Variants in SLC1A1 observed in about 807,000 individuals in gnomAD.
SLC1A1 encodes the protein excitatory amino acid transporter 3.
A neutral mutation model predicts 53.3 loss-of-function variants in SLC1A1; 43 were observed. The ratio of observed to expected loss-of-function variants is 0.81; its 90% confidence interval spans 0.63 to 1.04. The LOEUF is 1.04. SLC1A1 is among the 50% of genes least tolerant of loss of function. SLC1A1 has a pLI of 0.00. For missense variants in SLC1A1, 748 were observed against 664.9 expected, an observed-to-expected ratio of 1.12 and a Z score of -1.37; for synonymous variants, 307 against 243.2, an observed-to-expected ratio of 1.26 and a Z score of -2.44.
chr9:4,503,469 G>C lies in SLC1A1; in HGVS notation c.91+12699G>C, dbSNP rs146493574. Among the ~76,000 whole-genome samples the C allele has an allele frequency of 9.5e-4, 144 of 151,904 alleles. 4 individuals carry two copies. In the Middle Eastern group the frequency reaches 0.02, roughly 22 times the overall value. On this transcript the variant is annotated intron_variant, in intron 1 of 11. Coordinates refer to ENST00000262352, the MANE Select transcript of SLC1A1 (RefSeq NM_004170.6). The stretch of plus-strand genomic sequence containing the variant: ...AATCACTAACATGATCCTGAGTGTG[G>C]TAAATGCTGCAAGGAGGCTGCAGCA...
intron 1 of SLC1A1, among the ~76,000 whole-genome samples, chr9:4,495,773 G>A (rs1314627935): frequency 6.6e-6 from 1 of 151,964 alleles, no homozygotes; most frequent in Non-Finnish European, 1.5e-5. Context: ...GAGCAGCCAG[G>A]AGTGGAACAG....
chr9:4,582,947 A>T, intron 10 of SLC1A1, 91 bp from the exon 11 acceptor site: 1 of 1,520,742 alleles, frequency 6.6e-7, no homozygotes, highest in Non-Finnish European at 9.1e-7. Flanking sequence ...AGTAATAGCC[A>T]TCGGGACTAA....
rs142451143 is a variant in SLC1A1 at position 4,497,398 on chromosome 9, C to T, written c.91+6628C>T. On this transcript the variant is annotated intron_variant, in intron 1 of 11. Coordinates refer to ENST00000262352, the MANE Select transcript of SLC1A1 (RefSeq NM_004170.6). ...CCTATATTCTGATGTTTCTGCCTCC[C>T]TCACCAATTCAGGAACCCTAAGGGA... 2.2e-3 allele frequency among the ~76,000 whole-genome samples: 331 copies of T among 152,290 alleles called. 2 individuals are homozygous for T. The highest frequency in any genetic ancestry group is 7.5e-3 in the African/African-American group (312 of 41,552).
intron 2 of SLC1A1, among the ~76,000 whole-genome samples, chr9:4,560,320 C>T (rs943352516): frequency 6.6e-6 from 1 of 152,154 alleles, no homozygotes; most frequent in Admixed American, 6.5e-5. Flanking sequence ...TCATTAAATA[C>T]ATTCTGGTAC....
At chr9:4,580,329 T>G (rs1215529685) in intron 10 of SLC1A1, among the ~76,000 whole-genome samples, 1 of 152,060 alleles carries the variant, frequency 6.6e-6, no homozygotes, top group African/African-American at 2.4e-5. Context: ...ACCTGTAATA[T>G]CAGCACTTTA....
intron 1 of SLC1A1, among the ~76,000 whole-genome samples, chr9:4,494,498 G>T (rs1014759973): frequency 1.3e-5 from 2 of 151,940 alleles, no homozygotes; most frequent in African/African-American, 4.8e-5. Flanking sequence ...ATAATTTAGG[G>T]TGACTCAAGT....
At chr9:4,520,439 A>G (rs1166138893) in intron 1 of SLC1A1, among the ~76,000 whole-genome samples, 1 of 152,144 alleles carries the variant, frequency 6.6e-6, no homozygotes, top group African/African-American at 2.4e-5. Context: ...TTAAAAATGA[A>G]TTTGGTTCAT....
intron 1 of SLC1A1, among the ~76,000 whole-genome samples, chr9:4,495,211 G>A (rs1038445303): frequency 1.3e-5 from 2 of 152,072 alleles, no homozygotes; most frequent in African/African-American, 2.4e-5. Flanking sequence ...GGCGGTTCAC[G>A]CTGGTTCCAG....
chr9:4,578,846 T>C lies in SLC1A1; in HGVS notation c.1193+2083T>C, dbSNP rs301432. ...TCTTTTGGACAGCACTATGTTAGAG[T>C]GATAGGCTGGGATTAGAGTTAACCT... On this transcript the variant is annotated intron_variant, in intron 10 of 11. Coordinates refer to ENST00000262352, the MANE Select transcript of SLC1A1 (RefSeq NM_004170.6). 1.7e-4 allele frequency among the ~76,000 whole-genome samples: 26 copies of C among 152,180 alleles called. 1 individual carries two copies. In the East Asian group the frequency reaches 3.9e-3, roughly 23 times the overall value.
chr9:4,495,687 G>A (rs1375144924), intron 1 of SLC1A1, among the ~76,000 whole-genome samples: 8 of 151,820 alleles, frequency 5.3e-5, no homozygotes, highest in Admixed American at 2.6e-4. Context: ...GAGATGAAGT[G>A]GAGGTGAGGC....
chr9:4,573,601 T>C (rs1820266107), intron 7 of SLC1A1, among the ~76,000 whole-genome samples: 2 of 152,098 alleles, frequency 1.3e-5, no homozygotes, highest in African/African-American at 4.8e-5. Flanking sequence ...ATCAGCAGGA[T>C]ATATATGCAC....
At chr9:4,518,954 A>G (rs574894279) in intron 1 of SLC1A1, among the ~76,000 whole-genome samples, 1 of 152,148 alleles carries the variant, frequency 6.6e-6, no homozygotes, top group East Asian at 1.9e-4. Context: ...AAAATAAATG[A>G]TGAGTGGTTT....
intron 5 of SLC1A1, among the ~76,000 whole-genome samples, chr9:4,567,111 G>C (rs1175491416): frequency 6.6e-6 from 1 of 152,128 alleles, no homozygotes; most frequent in African/African-American, 2.4e-5. Flanking sequence ...ATCCCCATGT[G>C]GAAGCTCCAC....
At chr9:4,522,050 TTTTC>T (rs869253580) in intron 1 of SLC1A1, among the ~76,000 whole-genome samples, 6,187 of 36,644 alleles carry the variant, frequency 0.17, 321 homozygotes, top group Non-Finnish European at 0.21. Flanking sequence ...CTCTTTTTTT[TTTTC>T]TTTTTTTTTT....
At chr9:4,545,245 T>C (rs1303057958) in intron 2 of SLC1A1, among the ~76,000 whole-genome samples, 1 of 108,544 alleles carries the variant, frequency 9.2e-6, no homozygotes, top group African/African-American at 3.2e-5. Context: ...GGAATGTCTA[T>C]ATTTGCTTCT....
intron 1 of SLC1A1, among the ~76,000 whole-genome samples, chr9:4,529,819 T>C (rs1816400600): frequency 6.6e-6 from 1 of 152,178 alleles, no homozygotes. Flanking sequence ...ATACCTGGAC[T>C]CATTTTTAAA....
intron 1 of SLC1A1, among the ~76,000 whole-genome samples, chr9:4,528,533 G>A (rs188792939): frequency 4.8e-4 from 73 of 152,220 alleles, no homozygotes; most frequent in African/African-American, 1.5e-3. Context: ...CCAAGATCAC[G>A]CCACTGCACT....
At chr9:4,566,220 T>C in intron 5 of SLC1A1, 131 bp downstream of exon 5, 1 of 819,214 alleles carries the variant, frequency 1.2e-6, no homozygotes, top group South Asian at 1.3e-5. Context: ...AACCTGTGAC[T>C]GGCCAAGTTT....
At chr9:4,541,228 A>G (rs1328697617) in intron 1 of SLC1A1, among the ~76,000 whole-genome samples, 3 of 152,204 alleles carry the variant, frequency 2.0e-5, no homozygotes, top group African/African-American at 7.2e-5. Flanking sequence ...AGTTTTAAAG[A>G]GTTTATTCAA....
Sources: allele counts gnomAD v4.1 joint callset (sites outside exome capture counted in the v4.1 genomes callset), GRCh38; gene constraint gnomAD v4.1.1; transcripts MANE v1.5; gene names NCBI Gene and HGNC (gene_info 2026-07-23, HGNC 2026-07-21).